The following RUSF1 variants were observed in gnomAD, a reference collection of about 807,000 sequenced individuals.
RUSF1 encodes RUS1 family protein C16orf58.
RUSF1 carries 58 observed loss-of-function variants against 63.0 expected under a neutral mutation model. The observed-to-expected ratio is 0.92, with a 90% CI of 0.75 to 1.15. The LOEUF (loss-of-function observed/expected upper bound fraction) is 1.15. RUSF1 is among the 50% of genes most tolerant of loss of function. The pLI is 0.00. For missense variants in RUSF1, 652 were observed against 611.0 expected (o/e 1.07, Z -0.71); for synonymous variants, 274 against 255.8 (o/e 1.07, Z -0.68).
intron 5 of RUSF1, among the ~76,000 whole-genome samples, chr16:31,499,040 T>C (rs2082618592): frequency 6.6e-6 from 1 of 152,202 alleles, no homozygotes; most frequent in African/African-American, 2.4e-5. Flanking sequence ...GGTCCCAAAA[T>C]GTCAACATTG....
At chr16:31,497,029 C>T (rs535088270) in intron 5 of RUSF1, 79 bp from the exon 6 acceptor site, 18 of 1,224,672 alleles carry the variant, frequency 1.5e-5, no homozygotes, top group Admixed American at 6.5e-5. Flanking sequence ...CTGGAGAAAA[C>T]CTGGCCCCGG....
intron 2 of RUSF1, among the ~76,000 whole-genome samples, chr16:31,504,838 C>T (rs2082650205): frequency 6.6e-6 from 1 of 152,224 alleles, no homozygotes; most frequent in African/African-American, 2.4e-5. Context: ...CAACCCTATG[C>T]TCACAGAAAT....
intron 3 of RUSF1, among the ~76,000 whole-genome samples, chr16:31,500,409 A>G (rs1293174971): frequency 2.0e-5 from 3 of 152,328 alleles, no homozygotes; most frequent in East Asian, 1.9e-4. Flanking sequence ...TCATGCAGGT[A>G]TATTTCACAT....
At chr16:31,494,225 A>C (rs560099113) in intron 6 of RUSF1, among the ~76,000 whole-genome samples, 1 of 152,012 alleles carries the variant, frequency 6.6e-6, no homozygotes, top group Non-Finnish European at 1.5e-5. Flanking sequence ...TTTCTACAAA[A>C]AAATTAAAAA....
chr16:31,502,383 C>T (rs1278172176), intron 2 of RUSF1, among the ~76,000 whole-genome samples: 2 of 152,176 alleles, frequency 1.3e-5, no homozygotes, highest in Admixed American at 6.5e-5. Context: ...AATCAGTAAG[C>T]GCTCCAGTGC....
chr16:31,500,593 C>T, intron 3 of RUSF1, 93 bp downstream of exon 3: 1 of 1,469,720 alleles, frequency 6.8e-7, no homozygotes, highest in South Asian at 1.3e-5. Flanking sequence ...TCATGGAACC[C>T]TTACAGCCAC....
In RUSF1 at chr16:31,507,847, G is replaced by T; in HGVS notation, c.332C>A (p.Ala111Asp). 1 of 1,572,426 alleles carries T rather than the reference G, an allele frequency of 6.4e-7. No homozygotes were observed. The highest frequency in any genetic ancestry group is 2.3e-5 in the East Asian group (1 of 42,578). The change falls in exon 2 of 13, where the codon GCC becomes GAC. Residue 111 changes from alanine to aspartate, a missense_variant. Transcript: ENST00000327237. ...TATGCCCAGCAAGACTGCCTGGGTG[G>T]CTAGGGAGCCGGAGAGGCTGGAAGC... Reference protein sequence around the residue: ...AFASSLSGSLATQAVLLGIGV... With the variant: ...AFASSLSGSLDTQAVLLGIGV...
In RUSF1 at chr16:31,490,923, TC is replaced by T. The variant is rs1031611174; in HGVS notation, c.1318del (p.Asp440MetfsTer11). Reference protein sequence around the residue: ...LFPKFLKGLQDAGWKTEKHQL... With the variant: ...LFPKFLKGLQXAGWKTEKHQL... ...GTGCTTCTCGGTCTTCCAGCCGGCA[TC>T]CTGCAGTCCTGGGGAGAGATCATGG... On this transcript the variant is annotated frameshift_variant, in exon 13 of 13. Transcript: ENST00000327237. LOFTEE classifies it high-confidence loss of function. 3.7e-6 allele frequency: 6 copies of T among 1,613,922 alleles called. No homozygotes were observed. In the African/African-American group the frequency reaches 8.0e-5, roughly 22 times the overall value.
intron 2 of RUSF1, among the ~76,000 whole-genome samples, chr16:31,502,822 G>A (rs2082639288): frequency 6.6e-6 from 1 of 152,246 alleles, no homozygotes; most frequent in African/African-American, 2.4e-5. Flanking sequence ...TAGAGATGGG[G>A]TTTCACCATG....
At chr16:31,500,658 G>C in intron 3 of RUSF1, 28 bp downstream of exon 3, 2 of 1,608,766 alleles carry the variant, frequency 1.2e-6, no homozygotes, top group East Asian at 2.2e-5. Flanking sequence ...AGAGTTGCCA[G>C]AGTTGCTGGC....
At position 31,505,544 on chromosome 16, in the gene RUSF1, T is replaced by C. The variant is rs142894429; in HGVS notation, c.415+2220A>G. 1.2e-4 allele frequency among the ~76,000 whole-genome samples: 19 copies of C among 152,278 alleles called. No individual in the cohort carries two copies. In the East Asian group the frequency reaches 3.7e-3, roughly 29 times the overall value. ...TGGAAGGGCTGGCCTCCTTCAGTTC[T>C]GAATCAAGGCAATCATGGTAACAGT... On this transcript the variant is annotated intron_variant, in intron 2 of 12. Coordinates refer to ENST00000327237, the MANE Select transcript of RUSF1 (RefSeq NM_022744.4).
chr16:31,491,310 T>C (rs1039141164), intron 12 of RUSF1, among the ~76,000 whole-genome samples: 7 of 152,060 alleles, frequency 4.6e-5, no homozygotes, highest in African/African-American at 1.4e-4. Context: ...AAACTTAGGA[T>C]TGCAGAGAGA....
Position 31,496,934 on chromosome 16 carries a change from G to C in RUSF1, c.617C>G (p.Ala206Gly), listed in dbSNP as rs370405521. Residue 206 changes from alanine (A) to glycine (G), a missense_variant, in exon 6 of 13, where the codon GCT becomes GGT. Transcript: ENST00000327237. ...SNLAKCIVSVAGGATRAALTV... is the reference protein window; with the variant it reads ...SNLAKCIVSVGGGATRAALTV... ...CAGGGCAGCCCGAGTGGCCCCACCA[G>C]CAACACTCACGATGCACTGGGTGGG... 2 of 1,608,032 alleles carry C rather than the reference G, an allele frequency of 1.2e-6. No individual in the cohort carries two copies. The highest frequency in any genetic ancestry group is 1.3e-5 in the African/African-American group (1 of 74,804).
Position 31,489,709 on chromosome 16 carries a change from G to C in RUSF1, c.*1126C>G. On this transcript the variant is annotated 3_prime_UTR_variant, in exon 13 of 13. Coordinates refer to ENST00000327237, the MANE Select transcript of RUSF1 (RefSeq NM_022744.4). Reference sequence around the variant, plus strand: ...GGCAGGGCTGATGGTGGCAGGGTGGGGTGAGGACAGGACAAGAGATCTGGG... The same window carrying C: ...GGCAGGGCTGATGGTGGCAGGGTGGCGTGAGGACAGGACAAGAGATCTGGG... 2.2e-6 allele frequency: 1 copy of C among 455,176 alleles called. No individual in the cohort carries two copies. The highest frequency in any genetic ancestry group is 4.1e-6 in the Non-Finnish European group (1 of 245,876). 28.2% of individuals were successfully genotyped at this position (455,176 alleles called of 1,614,324 possible). A position where few individuals can be genotyped will look rare whatever the true frequency, so the allele number is the denominator to read the frequency against.
At chr16:31,505,421 C>G (rs778328831) in intron 2 of RUSF1, among the ~76,000 whole-genome samples, 10 of 152,086 alleles carry the variant, frequency 6.6e-5, no homozygotes, top group Admixed American at 2.0e-4. Flanking sequence ...TGCTGAGTGC[C>G]GGTCCCCTGG....
chr16:31,491,090 G>C (rs1231130857), intron 12 of RUSF1, among the ~76,000 whole-genome samples, 158 bp from the exon 13 acceptor site: 2 of 152,180 alleles, frequency 1.3e-5, no homozygotes, highest in African/African-American at 4.8e-5. Context: ...GCTGCAGCAA[G>C]AATTCGTTGA....
At chr16:31,505,714 G>C (rs778616857) in intron 2 of RUSF1, among the ~76,000 whole-genome samples, 3 of 152,172 alleles carry the variant, frequency 2.0e-5, no homozygotes, top group Non-Finnish European at 4.4e-5. Flanking sequence ...ATCCAAGAGA[G>C]ACTTCTAAGA....
Position 31,490,441 on chromosome 16 carries a change from A to C in RUSF1, c.*394T>G. ...GCGGCAGCAGCCAGGCGGCTGGAGGACATCAGCGAGGACCCGAGCTGGGCC... is the reference window on the plus strand; with the variant it reads ...GCGGCAGCAGCCAGGCGGCTGGAGGCCATCAGCGAGGACCCGAGCTGGGCC... On this transcript the variant is annotated 3_prime_UTR_variant, in exon 13 of 13. Coordinates refer to ENST00000327237, the MANE Select transcript of RUSF1 (RefSeq NM_022744.4). 6.2e-7 allele frequency: 1 copy of C among 1,613,924 alleles called. No individual in the cohort carries two copies. The highest frequency in any genetic ancestry group is 2.2e-5 in the East Asian group (1 of 44,876).
intron 2 of RUSF1, among the ~76,000 whole-genome samples, chr16:31,506,803 T>TA (rs908904111): frequency 2.0e-5 from 3 of 150,030 alleles, no homozygotes; most frequent in Admixed American, 6.6e-5. Flanking sequence ...AAAAAAAAAA[T>TA]AGAGATGGGG....
Sources: gnomAD v4.1 joint callset for allele counts (sites outside exome capture counted in the v4.1 genomes callset) on GRCh38, gnomAD v4.1.1 for gene constraint, MANE v1.5 for transcripts, NCBI Gene and HGNC (gene_info 2026-07-23, HGNC 2026-07-21) for gene names.